Variants in HM13 observed in about 807,000 individuals in gnomAD.
HM13 encodes histocompatibility minor 13, also known as signal peptide peptidase.
A neutral mutation model predicts 50.0 loss-of-function variants in HM13; 18 were observed. That is an observed-to-expected ratio of 0.36 (90% CI 0.25 to 0.53). The LOEUF (loss-of-function observed/expected upper bound fraction) is 0.53, where lower values mean the gene tolerates loss of function less well. Ranked by LOEUF, HM13 falls within the 20% of genes least tolerant of loss-of-function variation. The probability of loss-of-function intolerance (pLI) is 0.90; values close to 1 mark genes in which losing one functional copy is unlikely to be tolerated. For missense variants in HM13, 393 were observed against 552.4 expected (o/e 0.71, Z 2.89); for synonymous variants, 197 against 232.6 (o/e 0.85, Z 1.39).
intron 10 of HM13, among the ~76,000 whole-genome samples, chr20:31,564,797 T>G (rs1158669843): frequency 2.1e-5 from 3 of 141,208 alleles, no homozygotes. Context: ...TGAGCCAAGA[T>G]CGCACCATTG....
At chr20:31,542,371 C>T (rs1383453486) in intron 3 of HM13, among the ~76,000 whole-genome samples, 1 of 152,206 alleles carries the variant, frequency 6.6e-6, no homozygotes, top group African/African-American at 2.4e-5. Flanking sequence ...CCAGATCTGC[C>T]ACCCCAGAGG....
At chr20:31,562,142 T>G (rs1209429144) in intron 10 of HM13, among the ~76,000 whole-genome samples, 2 of 152,102 alleles carry the variant, frequency 1.3e-5, no homozygotes, top group African/African-American at 4.8e-5. Context: ...GGAGTGGGTG[T>G]TGGGTATTGG....
Position 31,514,726 on chromosome 20 carries a change from C to G in HM13, c.175C>G (p.Arg59Gly), listed in dbSNP as rs760449257. 4 of 1,534,724 alleles carry G rather than the reference C, an allele frequency of 2.6e-6. No individual in the cohort carries two copies. In the South Asian group the frequency reaches 3.6e-5, roughly 14 times the overall value. Reference protein sequence around the residue: ...FGALRSVRCARGKNASDMPET... With the variant: ...FGALRSVRCAGGKNASDMPET... ...CGCCCTGCGCTCCGTACGCTGCGCC[C>G]GCGGCAAGGTAGGGTCAGCGGGAAA... Residue 59 changes from arginine to glycine, a missense_variant, in exon 1 of 13, where the codon CGC becomes GGC. This residue lies in a region of HM13 where 214 missense variants were observed against 276.1 expected (regional missense o/e 0.77). Transcript: ENST00000398174. This position sits in a 1 kb window ranked among gnomAD's most constrained non-coding sequence, Gnocchi z 4.3.
chr20:31,524,466 A>C (rs2122550723), intron 1 of HM13, among the ~76,000 whole-genome samples: 1 of 152,140 alleles, frequency 6.6e-6, no homozygotes, highest in South Asian at 2.1e-4. Context: ...TGCATTTGTA[A>C]TTTTTTGTGT....
intron 3 of HM13, 135 bp downstream of exon 3, chr20:31,538,396 C>A (rs973412457): frequency 4.4e-5 from 67 of 1,539,508 alleles, no homozygotes; most frequent in Non-Finnish European, 4.9e-5. Context: ...GGGACTCTTT[C>A]CCCTGCACAC....
chr20:31,548,028 G>C (rs1177022983), intron 4 of HM13: 11 of 1,589,430 alleles, frequency 6.9e-6, no homozygotes, highest in Non-Finnish European at 9.5e-6. Context: ...ATGGGCTGTG[G>C]CACATGAAGA....
chr20:31,517,150 T>G (rs754683756), intron 1 of HM13, among the ~76,000 whole-genome samples: 1 of 152,040 alleles, frequency 6.6e-6, no homozygotes, highest in Non-Finnish European at 1.5e-5. Flanking sequence ...GGGGACCCAG[T>G]TTTGATTTCC....
intron 9 of HM13, 56 bp from the exon 10 acceptor site, chr20:31,561,578 A>T: frequency 8.5e-7 from 1 of 1,179,058 alleles, no homozygotes; most frequent in Non-Finnish European, 1.3e-6. Context: ...AAGGGGTATT[A>T]CTAGTTCAGT....
intron 10 of HM13, 116 bp from the exon 11 acceptor site, chr20:31,566,093 TG>T: frequency 1.5e-6 from 1 of 682,000 alleles, no homozygotes; most frequent in Non-Finnish European, 2.5e-6. Flanking sequence ...TGACTTGCTA[TG>T]GTCCTGGACC....
intron 6 of HM13, 63 bp from the exon 7 acceptor site, chr20:31,550,001 C>G: frequency 8.2e-7 from 1 of 1,215,964 alleles, no homozygotes; most frequent in Non-Finnish European, 1.2e-6. Context: ...AGCCCAGGGA[C>G]AGCCATTCTT....
At chr20:31,558,275 A>G (rs996249745) in intron 8 of HM13, among the ~76,000 whole-genome samples, 4 of 152,132 alleles carry the variant, frequency 2.6e-5, no homozygotes, top group African/African-American at 9.7e-5. Context: ...GGAGCCTTCA[A>G]ATAGCCCACT....
chr20:31,519,056 TTC>T (rs1006627752), intron 1 of HM13, among the ~76,000 whole-genome samples: 1 of 152,118 alleles, frequency 6.6e-6, no homozygotes, highest in Non-Finnish European at 1.5e-5. Flanking sequence ...TCCAGAAAGA[TTC>T]TGTGTCTTTA....
intron 2 of HM13, among the ~76,000 whole-genome samples, chr20:31,537,320 G>C (rs185591754): frequency 6.6e-6 from 1 of 152,272 alleles, no homozygotes; most frequent in Non-Finnish European, 1.5e-5. Flanking sequence ...CCAACAGGTG[G>C]ATGTGAGCTT....
At chr20:31,568,052 C>T (rs1438229914) in intron 11 of HM13, 26 bp from the exon 12 acceptor site, 56 of 1,550,594 alleles carry the variant, frequency 3.6e-5, no homozygotes, top group Admixed American at 3.3e-4. Flanking sequence ...CTCTTTTTTT[C>T]TGTCTCTTCT....
At chr20:31,550,214 C>A (rs535450525) in intron 7 of HM13, 93 bp downstream of exon 7, 84 of 894,554 alleles carry the variant, frequency 9.4e-5, no homozygotes, top group Middle Eastern at 2.6e-4. Flanking sequence ...CTCCCTATCT[C>A]TTCCCCATGT....
At position 31,568,040 on chromosome 20, in the gene HM13, ATC is replaced by A. The variant is rs570476119; in HGVS notation, c.1035-34_1035-33del. 9.9e-6 allele frequency: 15 copies of A among 1,522,082 alleles called. No individual in the cohort carries two copies. The African/African-American group carries it at 1.8e-4, about 18-fold the overall frequency. The allele number at this position is 1,522,082 out of a possible 1,614,324, so 94.3% of individuals were successfully genotyped here. A position where few individuals can be genotyped will look rare whatever the true frequency, so the allele number is the denominator to read the frequency against. ...GTCCTCCCTTAGTCTTTCCCTATCC[ATC>A]TCTTTTTTTCTGTCTCTTCTCTCTC... On this transcript the variant is annotated intron_variant, in intron 11 of 12. Coordinates refer to ENST00000398174, the MANE Select transcript of HM13 (RefSeq NM_178581.3).
At chr20:31,517,486 C>A (rs1374272427) in intron 1 of HM13, among the ~76,000 whole-genome samples, 1 of 152,054 alleles carries the variant, frequency 6.6e-6, no homozygotes, top group Non-Finnish European at 1.5e-5. Flanking sequence ...CCAGGAGTTC[C>A]GGGACAAAGA....
chr20:31,548,802 C>G (rs1983859620), intron 4 of HM13: 1 of 578,116 alleles, frequency 1.7e-6, no homozygotes, highest in Non-Finnish European at 3.1e-6. Flanking sequence ...TTGTAAGTCT[C>G]TCTCTGGGCC....
chr20:31,565,117 G>A (rs1413114178), intron 10 of HM13, among the ~76,000 whole-genome samples: 4 of 146,330 alleles, frequency 2.7e-5, no homozygotes, highest in Non-Finnish European at 5.9e-5. Flanking sequence ...AGTGAGCCAA[G>A]ATCACACCAC....
Sources: gnomAD v4.1 joint callset for allele counts (sites outside exome capture counted in the v4.1 genomes callset) on GRCh38, gnomAD v4.1.1 for gene constraint, gnomAD v4.1.1 regional missense constraint, Gnocchi (gnomAD v3.1) non-coding constraint, MANE v1.5 for transcripts, NCBI Gene and HGNC (gene_info 2026-07-23, HGNC 2026-07-21) for gene names.